Variants in GRID2 observed in about 807,000 individuals in gnomAD.
The protein encoded by GRID2 is glutamate receptor ionotropic, delta-2.
In GRID2, 33 loss-of-function variants were observed where a neutral mutation model predicts 114.8. The ratio of observed to expected loss-of-function variants is 0.29; its 90% CI spans 0.22 to 0.38. The LOEUF (loss-of-function observed/expected upper bound fraction) is 0.38. Among genes scored for constraint, GRID2 ranks in the 10% least tolerant of loss-of-function variants. The pLI, the probability that GRID2 is intolerant of heterozygous loss-of-function variation, is 1.00. For synonymous variants in GRID2, 505 were observed against 449.9 expected, an observed-to-expected ratio of 1.12 and a Z score of -1.55; for missense variants, 1,184 against 1,257.7, an observed-to-expected ratio of 0.94 and a Z score of 0.89.
At position 92,784,525 on chromosome 4, in the gene GRID2, T is replaced by C. The variant is rs375823953; in HGVS notation, c.244+194239T>C. 7.2e-5 allele frequency among the ~76,000 whole-genome samples: 11 copies of C among 151,956 alleles called. No homozygotes were observed. In the East Asian group the frequency reaches 1.9e-3, roughly 27 times the overall value. On this transcript the variant is annotated intron_variant, in intron 2 of 15. Coordinates refer to ENST00000282020, the MANE Select transcript of GRID2 (RefSeq NM_001510.4). ...TATATACTTTTACTCTTAAAGATTC[T>C]GGTAAAATTAAATATTATATAAAAT...
intron 2 of GRID2, among the ~76,000 whole-genome samples, chr4:93,076,393 T>G (rs182085194): frequency 6.6e-6 from 1 of 152,264 alleles, no homozygotes; most frequent in Admixed American, 6.5e-5. Flanking sequence ...AGTTGTATGA[T>G]GACATTGGAA....
At chr4:93,618,215 T>C (rs1741890039) in intron 13 of GRID2, among the ~76,000 whole-genome samples, 1 of 152,202 alleles carries the variant, frequency 6.6e-6, no homozygotes, top group Non-Finnish European at 1.5e-5. Flanking sequence ...CAAAGATTTT[T>C]TTGGTCTCAC....
At chr4:92,992,938 C>G (rs1334910269) in intron 2 of GRID2, among the ~76,000 whole-genome samples, 1 of 152,056 alleles carries the variant, frequency 6.6e-6, no homozygotes, top group Non-Finnish European at 1.5e-5. Context: ...TAGGTACCTT[C>G]TAGCAGTAAT....
intron 8 of GRID2, among the ~76,000 whole-genome samples, chr4:93,260,146 T>C (rs531777161): frequency 6.6e-6 from 1 of 151,848 alleles, no homozygotes; most frequent in South Asian, 2.1e-4. Context: ...CATTGATACT[T>C]TGCCCTACTG....
chr4:92,896,719 C>A (rs1037816750), intron 2 of GRID2, among the ~76,000 whole-genome samples: 2 of 152,098 alleles, frequency 1.3e-5, no homozygotes, highest in Non-Finnish European at 2.9e-5. Context: ...AGATTGAATT[C>A]TGTGGTCAGA....
intron 8 of GRID2, among the ~76,000 whole-genome samples, chr4:93,344,634 AT>A (rs1760008994): frequency 6.7e-6 from 1 of 148,168 alleles, no homozygotes; most frequent in Non-Finnish European, 1.5e-5. Context: ...TATATTTTAT[AT>A]TGTATATATT....
At chr4:93,605,233 T>C (rs987600864) in intron 13 of GRID2, among the ~76,000 whole-genome samples, 3 of 152,180 alleles carry the variant, frequency 2.0e-5, no homozygotes, top group Non-Finnish European at 4.4e-5. Context: ...TAAAATTAAA[T>C]AAAATTTAAA....
At chr4:92,561,103 T>A (rs1579583605) in intron 1 of GRID2, among the ~76,000 whole-genome samples, 3 of 152,336 alleles carry the variant, frequency 2.0e-5, no homozygotes. Context: ...CAGCAGAGTA[T>A]AGCACAGTCT....
At chr4:93,195,379 T>A (rs1047247723) in intron 4 of GRID2, among the ~76,000 whole-genome samples, 3 of 152,180 alleles carry the variant, frequency 2.0e-5, no homozygotes. Context: ...GAGAACCATC[T>A]GAGAAAGCAT....
intron 1 of GRID2, among the ~76,000 whole-genome samples, chr4:92,331,257 G>C (rs1726872774): frequency 6.6e-6 from 1 of 152,114 alleles, no homozygotes; most frequent in Non-Finnish European, 1.5e-5. Flanking sequence ...TTTTTAAGTA[G>C]AAAGGCAAGA....
intron 1 of GRID2, among the ~76,000 whole-genome samples, chr4:92,546,582 G>GCACGTGTGCATGCACCTGCACGTT (rs1447798960): frequency 6.6e-6 from 1 of 152,166 alleles, no homozygotes; most frequent in South Asian, 2.1e-4. Context: ...ACCTGCACGT[G>GCACGTGTGCATGCACCTGCACGTT]CACATGTGCA....
chr4:93,497,753 T>C (rs942674337), intron 12 of GRID2, among the ~76,000 whole-genome samples: 6 of 151,864 alleles, frequency 4.0e-5, no homozygotes, highest in African/African-American at 7.2e-5. Flanking sequence ...TTTTGATTAC[T>C]GTAGTTTGAG....
In GRID2 at chr4:92,435,254, A is replaced by G. The variant is rs529680467; in HGVS notation, c.88+130510A>G. On this transcript the variant is annotated intron_variant, in intron 1 of 15. Coordinates refer to ENST00000282020, the MANE Select transcript of GRID2 (RefSeq NM_001510.4). ...CATTTCACAAATTTCCTTATAGGGT[A>G]TGTAAATTATTTCAACCTGAGTGTA... Among the ~76,000 whole-genome samples, 38 of 152,296 alleles carry G rather than the reference A, an allele frequency of 2.5e-4. No individual in the cohort carries two copies. In the South Asian group the frequency reaches 4.1e-3, roughly 17 times the overall value.
At chr4:92,498,388 T>A (rs1723499556) in intron 1 of GRID2, among the ~76,000 whole-genome samples, 1 of 151,866 alleles carries the variant, frequency 6.6e-6, no homozygotes, top group Admixed American at 6.6e-5. Flanking sequence ...ATGTGCCAAG[T>A]ATGTTCCAGT....
Position 93,259,323 on chromosome 4 carries a change from A to G in GRID2, c.1245+20833A>G, listed in dbSNP as rs17020290. Reference sequence around the variant, plus strand: ...GCTGTAAATACACAGCTCCATATCAATCATAGTTAGGCACTTACAATCCCG... The same window carrying G: ...GCTGTAAATACACAGCTCCATATCAGTCATAGTTAGGCACTTACAATCCCG... On this transcript the variant is annotated intron_variant, in intron 8 of 15. Transcript: ENST00000282020. Among the ~76,000 whole-genome samples, 668 of 151,914 alleles carry G rather than the reference A, an allele frequency of 4.4e-3. 5 individuals carry two copies. Among genetic ancestry groups the G allele is most frequent in the African/African-American group, 0.015 (634 of 41,536 alleles).
intron 2 of GRID2, among the ~76,000 whole-genome samples, chr4:92,911,043 A>C (rs1398643615): frequency 6.6e-6 from 1 of 152,094 alleles, no homozygotes; most frequent in African/African-American, 2.4e-5. Context: ...ATATCAGTAT[A>C]TAATAGGACA....
At chr4:92,793,197 A>G (rs145554369) in intron 2 of GRID2, among the ~76,000 whole-genome samples, 174 of 151,786 alleles carry the variant, frequency 1.1e-3, no homozygotes, top group African/African-American at 4.1e-3. Context: ...CCTGTACTAC[A>G]CTGCTTGTCA....
intron 13 of GRID2, among the ~76,000 whole-genome samples, chr4:93,526,504 A>C (rs1730915080): frequency 6.6e-6 from 1 of 152,184 alleles, no homozygotes; most frequent in African/African-American, 2.4e-5. Context: ...ATACATCTTT[A>C]TGACTTCCTT....
At chr4:92,852,311 T>A (rs1743874813) in intron 2 of GRID2, among the ~76,000 whole-genome samples, 1 of 151,894 alleles carries the variant, frequency 6.6e-6, no homozygotes, top group Non-Finnish European at 1.5e-5. Flanking sequence ...TCCAGTCTTT[T>A]CATCTGTACT....
Sources: allele counts gnomAD v4.1 joint callset (sites outside exome capture counted in the v4.1 genomes callset), GRCh38; gene constraint gnomAD v4.1.1; transcripts MANE v1.5; gene names NCBI Gene and HGNC (gene_info 2026-07-23, HGNC 2026-07-21).